NAB1: variants seen among roughly 807,000 people sequenced by gnomAD.
NAB1 encodes NGFI-A binding protein 1, also known as NGFI-A-binding protein 1.
Under a neutral mutation model 49.9 loss-of-function variants are expected in NAB1, and 25 were observed. That is an observed-to-expected ratio of 0.50 (90% CI 0.37 to 0.70). NAB1 has a LOEUF of 0.70. Ranked by LOEUF, NAB1 falls within the 30% of genes least tolerant of loss-of-function variation. The pLI is 0.00. For synonymous variants in NAB1, 198 were observed against 215.6 expected (o/e 0.92, Z 0.71); for missense variants, 489 against 575.9 (o/e 0.85, Z 1.54).
intron 9 of NAB1, among the ~76,000 whole-genome samples, chr2:190,687,762 G>A (rs749920488): frequency 1.1e-4 from 16 of 152,176 alleles, no homozygotes; most frequent in Non-Finnish European, 1.5e-5. Context: ...ACTCATGAAA[G>A]TTGAGATTAC....
chr2:190,685,733 G>A lies in NAB1; in HGVS notation c.1258+95G>A, dbSNP rs572967907. 21 of 1,033,752 alleles carry A rather than the reference G, an allele frequency of 2.0e-5. No homozygotes were observed. Among genetic ancestry groups the A allele is most frequent in the South Asian group, 1.2e-4 (3 of 25,000 alleles). 64.0% of individuals were successfully genotyped at this position (1,033,752 alleles called of 1,614,324 possible). On this transcript the variant is annotated intron_variant, in intron 8 of 9. Transcript: ENST00000337386. This position sits in a 1 kb window ranked among gnomAD's most constrained non-coding sequence, Gnocchi z 4.5. ...GCTGATTTTTAAATTATGATATTTT[G>A]TAGAGATTATTTTACAGGTTCTCTT...
rs746227413 is a variant in NAB1, at chr2:190,685,632, G to A, written c.1252G>A (p.Gly418Arg). 1.1e-5 allele frequency: 17 copies of A among 1,605,848 alleles called. No individual in the cohort carries two copies. The highest frequency in any genetic ancestry group is 1.3e-5 in the African/African-American group (1 of 74,602). ...CGGCTTGACTTCCGATAACTCAGAT[G>A]GACAAGGTACATCTTTAGAATATCC... Reference protein sequence around the residue: ...PNGLTSDNSDGQGERPLNLRM... With the variant: ...PNGLTSDNSDRQGERPLNLRM... Residue 418 changes from glycine (G) to arginine (R), a missense_variant, in exon 8 of 10, where the codon GGA becomes AGA. Transcript: ENST00000337386. This position sits in a 1 kb window ranked among gnomAD's most constrained non-coding sequence, Gnocchi z 4.5.
rs1694543689 is a variant in NAB1, at chr2:190,666,804, G to A, written c.820-3522G>A. ...GGAAATGGAGGAAATAAGTAAACCA[G>A]TAAGGGAGAATATCTTGTTACTTTA... On this transcript the variant is annotated intron_variant, in intron 4 of 9. Coordinates refer to ENST00000337386, the MANE Select transcript of NAB1 (RefSeq NM_005966.4). The surrounding 1 kb of genome is among the most constrained non-coding windows in gnomAD (Gnocchi z 5.6). 2.0e-5 allele frequency among the ~76,000 whole-genome samples: 3 copies of A among 152,200 alleles called. No individual in the cohort carries two copies. Among genetic ancestry groups the A allele is most frequent in the Admixed American group, 6.5e-5 (1 of 15,290 alleles).
chr2:190,650,657 A>G (rs937889596), intron 2 of NAB1, among the ~76,000 whole-genome samples: 1 of 152,168 alleles, frequency 6.6e-6, no homozygotes, highest in Admixed American at 6.5e-5. Flanking sequence ...TTTTGGGTGG[A>G]GATTGAGCTT....
At chr2:190,660,985 C>T (rs531757471) in intron 4 of NAB1, among the ~76,000 whole-genome samples, 1 of 151,142 alleles carries the variant, frequency 6.6e-6, no homozygotes, top group African/African-American at 2.4e-5. Flanking sequence ...CTCTGTCACG[C>T]AAGCTAGAGT....
At chr2:190,687,744 CAG>C (rs958622368) in intron 9 of NAB1, among the ~76,000 whole-genome samples, 4 of 152,124 alleles carry the variant, frequency 2.6e-5, no homozygotes, top group Non-Finnish European at 5.9e-5. Context: ...CGAACAATGA[CAG>C]GGAAAACTCA....
At chr2:190,650,998 T>C (rs555333239) in intron 2 of NAB1, among the ~76,000 whole-genome samples, 7 of 152,344 alleles carry the variant, frequency 4.6e-5, no homozygotes, top group Admixed American at 3.9e-4. Flanking sequence ...GCACTAAAGT[T>C]AATATGCCAT....
rs966432751 is a variant in NAB1 at position 190,690,776 on chromosome 2, G to C, written c.*443G>C. The C allele has an allele frequency of 2.6e-5, 4 of 153,226 alleles. No individual in the cohort carries two copies. The highest frequency in any genetic ancestry group is 9.6e-5 in the African/African-American group (4 of 41,468). The allele number at this position is 153,226 out of a possible 1,614,324, so 9.5% of individuals were successfully genotyped here. On this transcript the variant is annotated 3_prime_UTR_variant, in exon 10 of 10. Coordinates refer to ENST00000337386, the MANE Select transcript of NAB1 (RefSeq NM_005966.4). ...TAACGTAAATATATGTCAGAGTTTA[G>C]AATCTGCCTGCAGTTGTGAAAAAGA...
rs773397693 is a variant in NAB1, at chr2:190,684,831, A to G, written c.1096-645A>G. 3.9e-5 allele frequency among the ~76,000 whole-genome samples: 6 copies of G among 152,212 alleles called. No homozygotes were observed. The highest frequency in any genetic ancestry group is 8.8e-5 in the Non-Finnish European group (6 of 68,020). On this transcript the variant is annotated intron_variant, in intron 7 of 9. Transcript: ENST00000337386. This position sits in a 1 kb window ranked among gnomAD's most constrained non-coding sequence, Gnocchi z 4.6. Reference sequence around the variant, plus strand: ...AAAGGAACTTATAAAACACATACAGAGATAAATTTATATGTCAGTTGACTA... The same window carrying G: ...AAAGGAACTTATAAAACACATACAGGGATAAATTTATATGTCAGTTGACTA...
intron 3 of NAB1, among the ~76,000 whole-genome samples, chr2:190,658,152 A>G (rs934263609): frequency 1.3e-5 from 2 of 152,154 alleles, no homozygotes; most frequent in Admixed American, 1.3e-4. Flanking sequence ...CTCAAAAAGT[A>G]TGTTTCTTCC....
rs1170782846 is a variant in NAB1, at chr2:190,651,290, G to C, written c.-197+1308G>C. 6.6e-6 allele frequency among the ~76,000 whole-genome samples: 1 copy of C among 151,828 alleles called. No homozygotes were observed. The highest frequency in any genetic ancestry group is 2.4e-5 in the African/African-American group (1 of 41,342). ...TATTCAGTTGAGTAATCTCTTTTTTGTAAGTGGCAAATAACATCCACTGTC... is the reference window on the plus strand; with the variant it reads ...TATTCAGTTGAGTAATCTCTTTTTTCTAAGTGGCAAATAACATCCACTGTC... On this transcript the variant is annotated intron_variant, in intron 2 of 9. Transcript: ENST00000337386. This position sits in a 1 kb window ranked among gnomAD's most constrained non-coding sequence, Gnocchi z 4.3.
rs189393275 is a variant in NAB1 at position 190,675,017 on chromosome 2, G to C, written c.1005+1865G>C. 2.6e-5 allele frequency among the ~76,000 whole-genome samples: 4 copies of C among 152,348 alleles called. No homozygotes were observed. The East Asian group carries it at 5.8e-4, about 22-fold the overall frequency. ...TGAAAGATGATATAACTAGTGAGAT[G>C]TTTTATCTCTTGCTCCCCCAGATAA... On this transcript the variant is annotated intron_variant, in intron 6 of 9. Coordinates refer to ENST00000337386, the MANE Select transcript of NAB1 (RefSeq NM_005966.4). The surrounding 1 kb of genome is among the most constrained non-coding windows in gnomAD (Gnocchi z 5.2).
chr2:190,674,585 T>C lies in NAB1; in HGVS notation c.1005+1433T>C, dbSNP rs1694980860. ...GGTCTCTTATCTGTGAATCTGCTGC[T>C]GTATACTTAGAGTTTGTAACAGCCT... On this transcript the variant is annotated intron_variant, in intron 6 of 9. Coordinates refer to ENST00000337386, the MANE Select transcript of NAB1 (RefSeq NM_005966.4). This position sits in a 1 kb window ranked among gnomAD's most constrained non-coding sequence, Gnocchi z 5.7. Among the ~76,000 whole-genome samples the C allele has an allele frequency of 6.6e-6, 1 of 152,254 alleles. No individual in the cohort carries two copies. Among genetic ancestry groups the C allele is most frequent in the South Asian group, 2.1e-4 (1 of 4,836 alleles).
rs1288712106 is a variant in NAB1 at position 190,663,002 on chromosome 2, C to T, written c.819+3007C>T. Among the ~76,000 whole-genome samples the T allele has an allele frequency of 6.6e-6, 1 of 152,158 alleles. No homozygotes were observed. The highest frequency in any genetic ancestry group is 1.5e-5 in the Non-Finnish European group (1 of 68,020). The stretch of plus-strand genomic sequence containing the variant: ...GGCTGAGTGTTTCAGAGGAGGCCAG[C>T]AATTTCACCTTTGAGAGAGGAGGAA... On this transcript the variant is annotated intron_variant, in intron 4 of 9. Coordinates refer to ENST00000337386, the MANE Select transcript of NAB1 (RefSeq NM_005966.4). The surrounding 1 kb of genome is among the most constrained non-coding windows in gnomAD (Gnocchi z 4.2).
At position 190,667,348 on chromosome 2, in the gene NAB1, A is replaced by G. The variant is rs1457964888; in HGVS notation, c.820-2978A>G. On this transcript the variant is annotated intron_variant, in intron 4 of 9. Coordinates refer to ENST00000337386, the MANE Select transcript of NAB1 (RefSeq NM_005966.4). This position sits in a 1 kb window ranked among gnomAD's most constrained non-coding sequence, Gnocchi z 4.4. Reference sequence around the variant, plus strand: ...CTTACTGAAAATCAGAGGTTTCCTTAGTAATTTAGATTTATTAATATGAAA... The same window carrying G: ...CTTACTGAAAATCAGAGGTTTCCTTGGTAATTTAGATTTATTAATATGAAA... 6.6e-6 allele frequency among the ~76,000 whole-genome samples: 1 copy of G among 152,238 alleles called. No individual in the cohort carries two copies. Among genetic ancestry groups the G allele is most frequent in the Non-Finnish European group, 1.5e-5 (1 of 68,040 alleles).
At chr2:190,672,018 C>T (rs1318933561) in intron 5 of NAB1, among the ~76,000 whole-genome samples, 1 of 152,138 alleles carries the variant, frequency 6.6e-6, no homozygotes, top group Non-Finnish European at 1.5e-5. Context: ...TTGTAATCCA[C>T]CCACCTTGGC....
chr2:190,665,449 C>T (rs1574439649), intron 4 of NAB1, among the ~76,000 whole-genome samples: 1 of 152,118 alleles, frequency 6.6e-6, no homozygotes, highest in Middle Eastern at 3.4e-3. Flanking sequence ...GCTTTTTAGT[C>T]GTATTTTCAA....
Position 190,670,373 on chromosome 2 carries a change from C to G in NAB1, c.867C>G (p.Ala289=). 6.2e-7 allele frequency: 1 copy of G among 1,613,834 alleles called. No individual in the cohort carries two copies. Among genetic ancestry groups the G allele is most frequent in the Non-Finnish European group, 8.5e-7 (1 of 1,179,878 alleles). The change falls in exon 5 of 10, where the codon GCC becomes GCG. Residue 289 remains alanine (A), a synonymous_variant. Transcript: ENST00000337386. The surrounding 1 kb of genome is among the most constrained non-coding windows in gnomAD (Gnocchi z 5.3). ...CTCAACTCTGTGTGAAGGATAATGC[C>G]CTGCTGACAAGAAGAGATGAGCTTT... ...AAAQLCVKDN[A]LLTRRDELFA...
intron 2 of NAB1, among the ~76,000 whole-genome samples, chr2:190,655,212 G>A (rs1693858131): frequency 6.6e-6 from 1 of 152,226 alleles, no homozygotes; most frequent in Non-Finnish European, 1.5e-5. Context: ...TAACAGAAGT[G>A]TCTATTTACC....
Sources: gnomAD v4.1 joint callset for allele counts (sites outside exome capture counted in the v4.1 genomes callset) on GRCh38, gnomAD v4.1.1 for gene constraint, Gnocchi (gnomAD v3.1) non-coding constraint, MANE v1.5 for transcripts, NCBI Gene and HGNC (gene_info 2026-07-23, HGNC 2026-07-21) for gene names.